Variants in C2orf74 observed in about 807,000 individuals in gnomAD.
The protein encoded by C2orf74 is DPM1 ER membrane anchor 1.
A neutral mutation model predicts 17.9 loss-of-function variants in C2orf74; 14 were observed. The ratio of observed to expected loss-of-function variants is 0.78; its 90% CI spans 0.52 to 1.22. The LOEUF is 1.22. Ranked by LOEUF, C2orf74 falls within the 50% of genes most tolerant of loss-of-function variation. C2orf74 has a pLI of 0.00. For missense variants in C2orf74, 217 were observed against 218.4 expected, an observed-to-expected ratio of 0.99 and a Z score of 0.04; for synonymous variants, 79 against 72.6, an observed-to-expected ratio of 1.09 and a Z score of -0.44.
At chr2:61,146,399 T>C (rs182633496) in intron 1 of C2orf74, among the ~76,000 whole-genome samples, 6 of 152,320 alleles carry the variant, frequency 3.9e-5, no homozygotes, top group East Asian at 1.9e-4. Flanking sequence ...TGGTTTCTTA[T>C]GAGATGGAGG....
Position 61,162,287 on chromosome 2 carries a change from C to T in C2orf74, c.-133C>T. 1 of 562,004 alleles carries T rather than the reference C, an allele frequency of 1.8e-6. No individual in the cohort carries two copies. Among genetic ancestry groups the T allele is most frequent in the South Asian group, 2.3e-5 (1 of 43,080 alleles). 34.8% of individuals were successfully genotyped at this position (562,004 alleles called of 1,614,324 possible). On this transcript the variant is annotated 5_prime_UTR_variant, in exon 1 of 5. Transcript: ENST00000432605. ...TCAGTCTCCCCTCTGGCCACCTCAG[C>T]CCCCACCACAGTTATGGAGAGAAAT... is the stretch of plus-strand genomic sequence containing the variant.
At chr2:61,158,971 T>G (rs550680459), upstream of C2orf74, among the ~76,000 whole-genome samples, 41 of 137,216 alleles carry the variant, frequency 3.0e-4, no homozygotes, top group East Asian at 7.7e-3. Flanking sequence ...AAGAACCAAG[T>G]TTTTTTTTGT....
At chr2:61,155,863 A>G (rs1218514789) in intron 1 of C2orf74, among the ~76,000 whole-genome samples, 1 of 151,184 alleles carries the variant, frequency 6.6e-6, no homozygotes, top group African/African-American at 2.4e-5. Context: ...AAAGCAGAAC[A>G]TTGCTTTTTT....
chr2:61,164,542 T>TA lies in C2orf74; in HGVS notation c.*17dup. The TA allele has an allele frequency of 2.0e-6, 3 of 1,482,902 alleles. No individual in the cohort carries two copies. The highest frequency in any genetic ancestry group is 1.4e-5 in the South Asian group (1 of 72,466). The allele number at this position is 1,482,902 out of a possible 1,614,324, so 91.9% of individuals were successfully genotyped here. On this transcript the variant is annotated 3_prime_UTR_variant, in exon 5 of 5. Coordinates refer to ENST00000432605, the MANE Select transcript of C2orf74 (RefSeq NM_001143959.4). ...AGAGGAAATGAAGCTCAAAAAAGGGTAAGAGTGAAAGAAAATGTAACGTTT... is the reference window on the plus strand; with the variant it reads ...AGAGGAAATGAAGCTCAAAAAAGGGTAAAGAGTGAAAGAAAATGTAACGTTT...
At chr2:61,152,534 C>T (rs1559178492) in intron 1 of C2orf74, among the ~76,000 whole-genome samples, 2 of 140,878 alleles carry the variant, frequency 1.4e-5, no homozygotes. Flanking sequence ...GAGTGAGACT[C>T]CATCTCAAAA....
rs1271608039 is a variant in C2orf74 at position 61,147,105 on chromosome 2, G to A, written c.-122+1909G>A. Among the ~76,000 whole-genome samples, 4 of 151,994 alleles carry A rather than the reference G, an allele frequency of 2.6e-5. No homozygotes were observed. In the East Asian group the frequency reaches 7.7e-4, roughly 29 times the overall value. ...GATCGGTTGAGCCCAGGAGACAGAG[G>A]TTACAGTGAGCTGAGATCCTGCCAC... is the stretch of plus-strand genomic sequence containing the variant. On this transcript the variant is annotated intron_variant, in intron 1 of 3. Transcript: ENST00000426997.
chr2:61,146,807 C>G (rs1470540635), intron 1 of C2orf74, among the ~76,000 whole-genome samples: 1 of 151,674 alleles, frequency 6.6e-6, no homozygotes, highest in Non-Finnish European at 1.5e-5. Context: ...CCACTGCACT[C>G]CAGCCTGGCG....
intron 1 of C2orf74, among the ~76,000 whole-genome samples, chr2:61,150,652 T>G (rs1479206412): frequency 1.3e-5 from 2 of 152,052 alleles, no homozygotes; most frequent in African/African-American, 4.8e-5. Flanking sequence ...TCACAGGCCC[T>G]AGAAACAGGA....
chr2:61,153,544 AG>A (rs1573710920), intron 1 of C2orf74, among the ~76,000 whole-genome samples: 1 of 150,282 alleles, frequency 6.7e-6, no homozygotes, highest in East Asian at 2.1e-4. Flanking sequence ...GGCCTCCCAA[AG>A]TGCTGGGATT....
intron 1 of C2orf74, among the ~76,000 whole-genome samples, chr2:61,146,702 C>T (rs944704557): frequency 6.6e-6 from 1 of 152,026 alleles, no homozygotes; most frequent in Non-Finnish European, 1.5e-5. Context: ...GGCGTGGTGG[C>T]GCATGCCTGT....
chr2:61,164,092 T>C (rs1315854271), intron 4 of C2orf74, among the ~76,000 whole-genome samples: 4 of 152,078 alleles, frequency 2.6e-5, no homozygotes, highest in Admixed American at 2.0e-4. Flanking sequence ...GACGACAGAA[T>C]GATGGTCCTG....
chr2:61,163,053 A>T lies in C2orf74; in HGVS notation c.211A>T (p.Ile71Phe). Reference sequence around the variant, plus strand: ...AAACTCTACCGATTAATTTTCTAGGATCTTAATGCAAGTCATGAACTTGAA... The same window carrying T: ...AAACTCTACCGATTAATTTTCTAGGTTCTTAATGCAAGTCATGAACTTGAA... Reference protein sequence around the residue: ...VTSNPEDHERILMQVMNLNVP... With the variant: ...VTSNPEDHERFLMQVMNLNVP... Residue 71 changes from isoleucine (I) to phenylalanine (F), a missense_variant and splice_region_variant, in exon 4 of 5, where the codon ATC (isoleucine) becomes TTC (phenylalanine). Ile to Phe is a conservative substitution (Grantham distance 21). Coordinates refer to ENST00000432605, the MANE Select transcript of C2orf74 (RefSeq NM_001143959.4). 1 of 1,552,116 alleles carries T rather than the reference A, an allele frequency of 6.4e-7. No individual in the cohort carries two copies. The highest frequency in any genetic ancestry group is 8.7e-7 in the Non-Finnish European group (1 of 1,147,040).
Position 61,162,434 on chromosome 2 carries a change from G to T in C2orf74, c.-81G>T, listed in dbSNP as rs1421970747. 12 of 1,032,500 alleles carry T rather than the reference G, an allele frequency of 1.2e-5. No homozygotes were observed. Among genetic ancestry groups the T allele is most frequent in the Non-Finnish European group, 1.1e-5 (8 of 696,400 alleles). 64.0% of individuals were successfully genotyped at this position (1,032,500 alleles called of 1,614,324 possible). The stretch of plus-strand genomic sequence containing the variant: ...TTTCTAGAAAACTTAAAGAACAAGA[G>T]AACTGCATTCAAATTGAGCTGGAAA... On this transcript the variant is annotated 5_prime_UTR_variant, in exon 2 of 5. Coordinates refer to ENST00000432605, the MANE Select transcript of C2orf74 (RefSeq NM_001143959.4).
At chr2:61,155,184 CAA>C (rs1456473182) in intron 1 of C2orf74, among the ~76,000 whole-genome samples, 3 of 152,144 alleles carry the variant, frequency 2.0e-5, no homozygotes, top group African/African-American at 7.2e-5. Context: ...TCTTTTAATT[CAA>C]CAAAGAGAAA....
chr2:61,161,504 C>A (rs564746436), upstream of C2orf74, among the ~76,000 whole-genome samples: 53 of 152,228 alleles, frequency 3.5e-4, no homozygotes, highest in African/African-American at 8.4e-4. Context: ...TATTTTTAAC[C>A]TTCATTCTGT....
intron 1 of C2orf74, among the ~76,000 whole-genome samples, chr2:61,154,757 A>T (rs1685344213): frequency 6.6e-6 from 1 of 152,140 alleles, no homozygotes. Context: ...CTGTGTGCTT[A>T]AAAAGAAACA....
upstream of C2orf74, among the ~76,000 whole-genome samples, chr2:61,159,132 G>A (rs1456205718): frequency 2.0e-5 from 3 of 151,950 alleles, no homozygotes; most frequent in Non-Finnish European, 4.4e-5. Flanking sequence ...AAGTAGCTGG[G>A]ACTACAGATG....
intron 1 of C2orf74, among the ~76,000 whole-genome samples, chr2:61,148,333 C>T (rs1223332523): frequency 6.6e-6 from 1 of 151,478 alleles, no homozygotes; most frequent in Non-Finnish European, 1.5e-5. Context: ...ATTACAGGTG[C>T]CTGCCACCAC....
chr2:61,154,055 A>T (rs1302940452), intron 1 of C2orf74, among the ~76,000 whole-genome samples: 1 of 151,976 alleles, frequency 6.6e-6, no homozygotes, highest in Non-Finnish European at 1.5e-5. Context: ...CCTGGCTAAC[A>T]TGGTGAAATC....
Sources: gnomAD v4.1 joint callset for allele counts (sites outside exome capture counted in the v4.1 genomes callset) on GRCh38, gnomAD v4.1.1 for gene constraint, MANE v1.5 for transcripts, NCBI Gene and HGNC (gene_info 2026-07-23, HGNC 2026-07-21) for gene names.